Variants in BTNL3 observed in about 807,000 individuals in gnomAD.
BTNL3 encodes butyrophilin-like protein 3.
In BTNL3, 20 loss-of-function variants were observed where a neutral mutation model predicts 40.1. The ratio of observed to expected loss-of-function variants is 0.50; its 90% CI spans 0.35 to 0.72. The LOEUF (loss-of-function observed/expected upper bound fraction) is 0.72. BTNL3 is among the 30% of genes least tolerant of loss of function. The probability of loss-of-function intolerance (pLI) is 0.01; values close to 1 mark genes in which losing one functional copy is unlikely to be tolerated. For missense variants in BTNL3, 449 were observed against 582.2 expected (o/e 0.77, Z 2.35); for synonymous variants, 179 against 222.1 (o/e 0.81, Z 1.73).
chr5:180,991,690 T>C lies in BTNL3; in HGVS notation c.50-1123T>C, dbSNP rs1014576415. ...TGAGGGAAACACACACACTCTGTCC[T>C]CATGAAGCTAAAAGTCGTGCAGGGA... On this transcript the variant is annotated intron_variant, in intron 1 of 7. Coordinates refer to ENST00000342868, the MANE Select transcript of BTNL3 (RefSeq NM_197975.3). Among the ~76,000 whole-genome samples the C allele has an allele frequency of 2.2e-5, 3 of 137,042 alleles. 1 individual carries two copies. The highest frequency in any genetic ancestry group is 5.0e-5 in the Non-Finnish European group (3 of 59,880). The allele number at this position is 137,042 out of a possible 152,430, so 89.9% of individuals were successfully genotyped here.
chr5:181,005,239 C>G (rs111438853), intron 7 of BTNL3, 95 bp from the exon 8 acceptor site: 13 of 1,582,308 alleles, frequency 8.2e-6, no homozygotes, highest in Admixed American at 1.7e-5. Flanking sequence ...GGATCCTACC[C>G]GGAGCCAGTC....
chr5:180,991,876 C>T (rs1759975466), intron 1 of BTNL3, among the ~76,000 whole-genome samples: 1 of 136,398 alleles, frequency 7.3e-6, no homozygotes, highest in Non-Finnish European at 1.7e-5. Context: ...TTTGCCTTCC[C>T]TGGGCCATAT....
At position 181,003,810 on chromosome 5, in the gene BTNL3, T is replaced by G. The variant is rs773872274; in HGVS notation, c.788-46T>G. On this transcript the variant is annotated intron_variant, in intron 4 of 7. Transcript: ENST00000342868. ...AAGGAGCCAGCGTCGTGTTTGTACC[T>G]TGCACACTCCTGTGTCCACCACTGA... The G allele has an allele frequency of 8.7e-6, 14 of 1,613,980 alleles. No individual in the cohort carries two copies. In the South Asian group the frequency reaches 1.4e-4, roughly 16 times the overall value.
rs768633174 is a variant in BTNL3, at chr5:180,997,531, C to T, written c.673+43C>T. 4.6e-5 allele frequency: 67 copies of T among 1,459,336 alleles called. 15 individuals carry two copies. Among genetic ancestry groups the T allele is most frequent in the Non-Finnish European group, 5.7e-5 (60 of 1,057,124 alleles). The allele number at this position is 1,459,336 out of a possible 1,614,324, so 90.4% of individuals were successfully genotyped here. ...GGAGCAAGGAATGGGTGTGTGCATACGTAACCCAGGGTAGAGCAGCAGCTT... is the reference window on the plus strand; with the variant it reads ...GGAGCAAGGAATGGGTGTGTGCATATGTAACCCAGGGTAGAGCAGCAGCTT... On this transcript the variant is annotated intron_variant, in intron 3 of 7. Coordinates refer to ENST00000342868, the MANE Select transcript of BTNL3 (RefSeq NM_197975.3).
rs753809591 is a variant in BTNL3 at position 181,005,857 on chromosome 5, A to G, written c.1386A>G (p.Pro462=). ...AGGGGACTCCCATATTCATATGTCC[A>G]GTGTCCTGGGGATGAGACAGAGAAG... ...EEKGTPIFIC[P]VSWG The change falls in exon 8 of 8, where the codon CCA becomes CCG. Residue 462 remains proline (P), a synonymous_variant. Coordinates refer to ENST00000342868, the MANE Select transcript of BTNL3 (RefSeq NM_197975.3). 12 of 1,606,416 alleles carry G rather than the reference A, an allele frequency of 7.5e-6. 1 individual carries two copies. In the South Asian group the frequency reaches 1.0e-4, roughly 13 times the overall value.
intron 2 of BTNL3, 105 bp from the exon 3 acceptor site, chr5:180,997,106 GAA>G: frequency 7.4e-7 from 1 of 1,342,694 alleles, no homozygotes; most frequent in Non-Finnish European, 1.0e-6. Context: ...GAGAGAGAGA[GAA>G]AAGGATGTAT....
intron 3 of BTNL3, among the ~76,000 whole-genome samples, chr5:181,001,911 A>T (rs547805854): frequency 2.4e-5 from 3 of 125,746 alleles, no homozygotes; most frequent in South Asian, 2.3e-4. Flanking sequence ...CATTACCTTT[A>T]AAAAAAAAAA....
At chr5:181,004,686 C>G in intron 6 of BTNL3, 50 bp from the exon 7 acceptor site, 4 of 1,613,770 alleles carry the variant, frequency 2.5e-6, no homozygotes, top group Non-Finnish European at 1.7e-6. Flanking sequence ...TCCCTGCGCC[C>G]TGTTTCCCAC....
chr5:181,004,135 G>C (rs564185009), intron 5 of BTNL3, among the ~76,000 whole-genome samples: 19 of 152,116 alleles, frequency 1.2e-4, no homozygotes, highest in Middle Eastern at 3.4e-3. Context: ...TGTGTGTGGT[G>C]GGGGGAGGTG....
rs564130453 is a variant in BTNL3, at chr5:181,000,234, A to C, written c.674-2438A>C. Among the ~76,000 whole-genome samples, 2 of 137,340 alleles carry C rather than the reference A, an allele frequency of 1.5e-5. 1 individual carries two copies. Among genetic ancestry groups the C allele is most frequent in the East Asian group, 4.3e-4 (2 of 4,678 alleles). 90.1% of individuals were successfully genotyped at this position (137,340 alleles called of 152,430 possible). A position where few individuals can be genotyped will look rare whatever the true frequency, so the allele number is the denominator to read the frequency against. On this transcript the variant is annotated intron_variant, in intron 3 of 7. Transcript: ENST00000342868. The stretch of plus-strand genomic sequence containing the variant: ...TTAGGTCAACATGGGAACATATATT[A>C]ATGTAATTATAACATAATTCGTTAA...
In BTNL3 at chr5:180,997,357, C is replaced by A. The variant is rs776457442; in HGVS notation, c.542C>A (p.Ala181Glu). The A allele has an allele frequency of 4.1e-6, 6 of 1,464,304 alleles. 1 individual carries two copies. Among genetic ancestry groups the A allele is most frequent in the Non-Finnish European group, 5.7e-6 (6 of 1,059,324 alleles). 90.7% of individuals were successfully genotyped at this position (1,464,304 alleles called of 1,614,324 possible). ...CAGGATTTGTCTTCAGACTCCAGAG[C>A]AAATGCAGATGGGTACAGCCTGTAT... ...QGQDLSSDSRANADGYSLYDV... is the reference protein window; with the variant it reads ...QGQDLSSDSRENADGYSLYDV... The change falls in exon 3 of 8, where the codon GCA (alanine) becomes GAA (glutamate). Residue 181 changes from alanine (A) to glutamate (E), a missense_variant. Ala to Glu is a moderately radical substitution (Grantham distance 107). Transcript: ENST00000342868.
intron 5 of BTNL3, among the ~76,000 whole-genome samples, chr5:181,004,172 G>A (rs1031474022): frequency 6.6e-6 from 1 of 151,482 alleles, no homozygotes; most frequent in African/African-American, 2.4e-5. Context: ...AGGGTGTCTG[G>A]GCCACAGTGA....
In BTNL3 at chr5:181,005,560, C is replaced by G; in HGVS notation, c.1089C>G (p.Asp363Glu). The change falls in exon 8 of 8, where the codon GAC becomes GAG. Residue 363 changes from aspartate (D) to glutamate (E), a missense_variant. Coordinates refer to ENST00000342868, the MANE Select transcript of BTNL3 (RefSeq NM_197975.3). Reference sequence around the variant, plus strand: ...TGGGAGTGTGTCGGGATGACGTAGACAGGGGGAAGAACAATGTGACTTTGT... The same window carrying G: ...TGGGAGTGTGTCGGGATGACGTAGAGAGGGGGAAGAACAATGTGACTTTGT... Reference protein sequence around the residue: ...WYVGVCRDDVDRGKNNVTLSP... With the variant: ...WYVGVCRDDVERGKNNVTLSP... 6.2e-7 allele frequency: 1 copy of G among 1,613,954 alleles called. No homozygotes were observed. The highest frequency in any genetic ancestry group is 8.5e-7 in the Non-Finnish European group (1 of 1,179,982).
Position 180,992,892 on chromosome 5 carries a change from T to A in BTNL3, c.129T>A (p.Phe43Leu). The change falls in exon 2 of 8, where the codon TTT becomes TTA. Residue 43 changes from phenylalanine to leucine, a missense_variant. Physicochemically the swap from Phe to Leu is conservative, Grantham distance 22. Around this residue, in one of 2 missense-constraint regions of BTNL3, gnomAD observed 323 missense variants for 464.9 expected, o/e 0.69. Transcript: ENST00000342868. Reference sequence around the variant, plus strand: ...ACGCCGTGTTCTCCTGCTCCCTCTTTCCTGAGACCAGTGCAGAGGCTATGG... The same window carrying A: ...ACGCCGTGTTCTCCTGCTCCCTCTTACCTGAGACCAGTGCAGAGGCTATGG... ...GEDAVFSCSLFPETSAEAMEV... is the reference protein window; with the variant it reads ...GEDAVFSCSLLPETSAEAMEV... 1 of 1,463,182 alleles carries A rather than the reference T, an allele frequency of 6.8e-7. No homozygotes were observed. Among genetic ancestry groups the A allele is most frequent in the South Asian group, 1.1e-5 (1 of 89,264 alleles). The allele number at this position is 1,463,182 out of a possible 1,614,324, so 90.6% of individuals were successfully genotyped here.
In BTNL3 at chr5:180,992,970, T is replaced by C. The variant is rs1227863795; in HGVS notation, c.207T>C (p.Asp69=). ...QFHAVVHLYR[D]GEDWESKQMP... ...ATGCTGTGGTCCACCTCTACAGAGA[T>C]GGGGAAGACTGGGAATCTAAGCAGA... The change falls in exon 2 of 8, where the codon GAT becomes GAC. Residue 69 remains aspartate, a synonymous_variant. Coordinates refer to ENST00000342868, the MANE Select transcript of BTNL3 (RefSeq NM_197975.3). The C allele has an allele frequency of 6.8e-7, 1 of 1,461,812 alleles. No homozygotes were observed. Among genetic ancestry groups the C allele is most frequent in the South Asian group, 1.1e-5 (1 of 89,178 alleles). The allele number at this position is 1,461,812 out of a possible 1,614,324, so 90.6% of individuals were successfully genotyped here.
At chr5:180,989,695 G>T (rs1195260258) in intron 1 of BTNL3, among the ~76,000 whole-genome samples, 1 of 134,614 alleles carries the variant, frequency 7.4e-6, no homozygotes, top group African/African-American at 2.6e-5. Context: ...ATTTTGCAGG[G>T]AGAGATAGGG....
In BTNL3 at chr5:180,992,913, T is replaced by A. The variant is rs770491618; in HGVS notation, c.150T>A (p.Ala50=). 1.3e-5 allele frequency: 19 copies of A among 1,463,392 alleles called. 1 individual carries two copies. The African/African-American group carries it at 2.6e-4, about 20-fold the overall frequency. The allele number at this position is 1,463,392 out of a possible 1,614,324, so 90.7% of individuals were successfully genotyped here. The change falls in exon 2 of 8, where the codon GCT becomes GCA. Residue 50 remains alanine (A), a synonymous_variant. Coordinates refer to ENST00000342868, the MANE Select transcript of BTNL3 (RefSeq NM_197975.3). ...TCTTTCCTGAGACCAGTGCAGAGGC[T>A]ATGGAAGTGCGGTTCTTCAGGAATC... ...CSLFPETSAE[A]MEVRFFRNQF...
Position 181,005,991 on chromosome 5 carries a change from C to T in BTNL3, c.*119C>T. ...GGAGCCTGCGCACAGAGAGTCACGCCCCCCACTCTCCTTTAGGGAGCTGAG... is the reference window on the plus strand; with the variant it reads ...GGAGCCTGCGCACAGAGAGTCACGCTCCCCACTCTCCTTTAGGGAGCTGAG... On this transcript the variant is annotated 3_prime_UTR_variant, in exon 8 of 8. Transcript: ENST00000342868. 1 of 1,135,082 alleles carries T rather than the reference C, an allele frequency of 8.8e-7. No individual in the cohort carries two copies. Among genetic ancestry groups the T allele is most frequent in the South Asian group, 1.7e-5 (1 of 59,548 alleles). 70.3% of individuals were successfully genotyped at this position (1,135,082 alleles called of 1,614,324 possible). A position where few individuals can be genotyped will look rare whatever the true frequency, so the allele number is the denominator to read the frequency against.
At chr5:180,993,276 A>C in intron 2 of BTNL3, 116 bp downstream of exon 2, 1 of 1,304,488 alleles carries the variant, frequency 7.7e-7, no homozygotes. Context: ...ACATGATGTA[A>C]AAAGGCTTCG....
Sources: gnomAD v4.1 joint callset for allele counts (sites outside exome capture counted in the v4.1 genomes callset) on GRCh38, gnomAD v4.1.1 for gene constraint, gnomAD v4.1.1 regional missense constraint, MANE v1.5 for transcripts, NCBI Gene and HGNC (gene_info 2026-07-23, HGNC 2026-07-21) for gene names.